The following TTC13 variants were observed in gnomAD, a reference collection of about 807,000 sequenced individuals.
TTC13 encodes tetratricopeptide repeat domain 13.
A neutral mutation model predicts 120.0 loss-of-function variants in TTC13; 62 were observed. That is an observed-to-expected ratio of 0.52 (90% CI 0.42 to 0.64). The LOEUF (loss-of-function observed/expected upper bound fraction) is 0.64. TTC13 is among the 30% of genes least tolerant of loss of function. TTC13 has a pLI of 0.00. For synonymous variants in TTC13, 384 were observed against 393.5 expected, an observed-to-expected ratio of 0.98 and a Z score of 0.28; for missense variants, 824 against 1,050.2, an observed-to-expected ratio of 0.78 and a Z score of 2.98.
At chr1:230,955,289 T>C (rs915219355) in intron 3 of TTC13, among the ~76,000 whole-genome samples, 3 of 152,160 alleles carry the variant, frequency 2.0e-5, no homozygotes, top group Non-Finnish European at 4.4e-5. Context: ...CAATATCCTT[T>C]AGGACCTAAC....
At chr1:230,933,757 C>G (rs773639803) in intron 9 of TTC13, 22 bp downstream of exon 9, 6 of 1,437,328 alleles carry the variant, frequency 4.2e-6, no homozygotes, top group Non-Finnish European at 5.8e-6. Context: ...CCTCCTACCC[C>G]AACTGTTATT....
chr1:230,909,041 G>T, intron 20 of TTC13, 21 bp from the exon 21 acceptor site: 1 of 1,606,814 alleles, frequency 6.2e-7, no homozygotes, highest in Non-Finnish European at 8.5e-7. Flanking sequence ...AAAGAACAAA[G>T]GTCAATCCAT....
At chr1:230,961,841 T>C (rs1171419759) in intron 1 of TTC13, among the ~76,000 whole-genome samples, 1 of 152,140 alleles carries the variant, frequency 6.6e-6, no homozygotes. Context: ...GAACAATCTA[T>C]GGGGCAGCAT....
chr1:230,908,924 C>T lies in TTC13; in HGVS notation c.2388+18G>A. 2 of 1,613,934 alleles carry T rather than the reference C, an allele frequency of 1.2e-6. No individual in the cohort carries two copies. ...TTAATACATAACCAAGCATTTCTCC[C>T]TTCCCGCTCCAACATACCTTCCCTT... is the stretch of plus-strand genomic sequence containing the variant. On this transcript the variant is annotated intron_variant, in intron 21 of 22. Coordinates refer to ENST00000366661, the MANE Select transcript of TTC13 (RefSeq NM_024525.5).
At chr1:230,963,767 CAAGGA>C (rs1676875243) in intron 1 of TTC13, among the ~76,000 whole-genome samples, 2 of 152,022 alleles carry the variant, frequency 1.3e-5, no homozygotes, top group African/African-American at 4.8e-5. Flanking sequence ...GGTACAAAGG[CAAGGA>C]AATGCAAAGG....
intron 4 of TTC13, 114 bp from the exon 5 acceptor site, chr1:230,945,568 A>C: frequency 1.1e-6 from 1 of 902,060 alleles, no homozygotes; most frequent in Non-Finnish European, 1.9e-6. Flanking sequence ...TCTTTATGCT[A>C]CGACCACTCG....
intron 21 of TTC13, 49 bp from the exon 22 acceptor site, chr1:230,908,840 G>A: frequency 6.2e-7 from 1 of 1,605,556 alleles, no homozygotes. Context: ...GAGGACACAG[G>A]CTCGGCTGGA....
intron 1 of TTC13, 75 bp from the exon 2 acceptor site, chr1:230,961,378 T>A (rs751530743): frequency 2.7e-5 from 30 of 1,126,084 alleles, no homozygotes; most frequent in Non-Finnish European, 3.4e-5. Context: ...GAATTAGAAT[T>A]TTTAGACTCC....
chr1:230,947,468 T>TG (rs1196402324), intron 4 of TTC13, among the ~76,000 whole-genome samples: 1 of 152,016 alleles, frequency 6.6e-6, no homozygotes, highest in Non-Finnish European at 1.5e-5. Flanking sequence ...AGAGCAGGGG[T>TG]GTCCAATCTT....
chr1:230,971,297 G>T (rs1463221180), intron 1 of TTC13, among the ~76,000 whole-genome samples: 5 of 128,426 alleles, frequency 3.9e-5, no homozygotes, highest in Non-Finnish European at 7.8e-5. Context: ...AGTGAGCCGA[G>T]ATTGCACCAC....
intron 1 of TTC13, among the ~76,000 whole-genome samples, chr1:230,974,634 G>A (rs71636373): frequency 0.24 from 36,626 of 151,998 alleles, 4,678 homozygotes; most frequent in Non-Finnish European, 0.28. Context: ...ATCGCCTAAC[G>A]ACACATTTCT....
intron 5 of TTC13, 57 bp downstream of exon 5, chr1:230,945,332 C>T: frequency 6.8e-7 from 1 of 1,480,478 alleles, no homozygotes; most frequent in Non-Finnish European, 9.4e-7. Context: ...CTAGCAAAAC[C>T]CTGGTCTGTG....
intron 12 of TTC13, among the ~76,000 whole-genome samples, chr1:230,928,570 C>A (rs1015858198): frequency 1.3e-5 from 2 of 152,136 alleles, no homozygotes; most frequent in African/African-American, 4.8e-5. Flanking sequence ...TCACTGATTT[C>A]TTTTTCTTCT....
At chr1:230,921,605 A>AT in intron 15 of TTC13, 101 bp from the exon 16 acceptor site, 1 of 639,796 alleles carries the variant, frequency 1.6e-6, no homozygotes, top group East Asian at 3.7e-5. Context: ...AGAAACTATG[A>AT]GAATAATGTA....
chr1:230,945,165 T>C (rs1251672257), intron 5 of TTC13, among the ~76,000 whole-genome samples: 1 of 152,186 alleles, frequency 6.6e-6, no homozygotes, highest in Non-Finnish European at 1.5e-5. Flanking sequence ...CAGGGTCTCA[T>C]GCTTTTCTTA....
At chr1:230,909,144 C>A (rs1572165478) in intron 20 of TTC13, 124 bp from the exon 21 acceptor site, 1 of 742,590 alleles carries the variant, frequency 1.3e-6, no homozygotes, top group East Asian at 2.6e-5. Context: ...AAATAAAACA[C>A]CGAATGTTTC....
intron 12 of TTC13, 77 bp downstream of exon 12, chr1:230,928,860 G>A: frequency 6.7e-7 from 1 of 1,495,998 alleles, no homozygotes; most frequent in African/African-American, 1.4e-5. Context: ...GTAGCAGGGA[G>A]TAGCGTGCCA....
rs993451895 is a variant in TTC13 at position 230,977,721 on chromosome 1, G to C, written c.271+839C>G. ...AGCAAGCCATAAGGGAACTCACATA[G>C]AGAAGGGGGAAAGAGAAAGGGAGGA... On this transcript the variant is annotated intron_variant, in intron 1 of 22. Coordinates refer to ENST00000366661, the MANE Select transcript of TTC13 (RefSeq NM_024525.5). 2.6e-5 allele frequency among the ~76,000 whole-genome samples: 4 copies of C among 152,198 alleles called. No individual in the cohort carries two copies. In the East Asian group the frequency reaches 7.7e-4, roughly 29 times the overall value.
chr1:230,973,525 T>G (rs542833475), intron 1 of TTC13, among the ~76,000 whole-genome samples: 1 of 152,210 alleles, frequency 6.6e-6, no homozygotes, highest in South Asian at 2.1e-4. Flanking sequence ...CTAATGAAAA[T>G]TAAGACATCA....
Sources: gnomAD v4.1 joint callset for allele counts (sites outside exome capture counted in the v4.1 genomes callset) on GRCh38, gnomAD v4.1.1 for gene constraint, MANE v1.5 for transcripts, NCBI Gene and HGNC (gene_info 2026-07-23, HGNC 2026-07-21) for gene names.